Variants in NRCAM observed in about 807,000 individuals in gnomAD.
NRCAM encodes the protein NgCAM-related cell adhesion molecule.
In NRCAM, 83 loss-of-function variants were observed where a neutral mutation model predicts 156.5. The ratio of observed to expected loss-of-function variants is 0.53; its 90% CI spans 0.44 to 0.64. NRCAM has a LOEUF of 0.64. NRCAM is among the 30% of genes least tolerant of loss of function. The pLI, the probability that NRCAM is intolerant of heterozygous loss-of-function variation, is 0.00. For missense variants in NRCAM, 1,417 were observed against 1,597.3 expected, an observed-to-expected ratio of 0.89 and a Z score of 1.92; for synonymous variants, 538 against 563.9, an observed-to-expected ratio of 0.95 and a Z score of 0.65.
intron 3 of NRCAM, among the ~76,000 whole-genome samples, chr7:108,247,459 A>G (rs1345682894): frequency 6.6e-6 from 1 of 151,660 alleles, no homozygotes; most frequent in Non-Finnish European, 1.5e-5. Flanking sequence ...TTCTCTATAT[A>G]TATGTTGGTG....
At chr7:108,359,048 C>A (rs932305075) in intron 2 of NRCAM, among the ~76,000 whole-genome samples, 3 of 152,192 alleles carry the variant, frequency 2.0e-5, no homozygotes, top group African/African-American at 7.2e-5. Context: ...TTCATTACAC[C>A]TTTTATCCTA....
At chr7:108,402,705 TC>T (rs2099796300) in intron 1 of NRCAM, among the ~76,000 whole-genome samples, 1 of 152,158 alleles carries the variant, frequency 6.6e-6, no homozygotes, top group Non-Finnish European at 1.5e-5. Context: ...AATGTTAACT[TC>T]CCCAACCACA....
rs559816961 is a variant in NRCAM at position 108,432,146 on chromosome 7, G to T, written c.-332+24097C>A. ...CTGTTTTGCATGGATTGTCCTTACA[G>T]AATGTTTACCGTCTCAACCACTAAA... On this transcript the variant is annotated intron_variant, in intron 1 of 32. Coordinates refer to ENST00000379028, the MANE Select transcript of NRCAM (RefSeq NM_001037132.4). 1.2e-4 allele frequency among the ~76,000 whole-genome samples: 19 copies of T among 152,322 alleles called. No homozygotes were observed. The South Asian group carries it at 2.3e-3, about 18-fold the overall frequency.
intron 3 of NRCAM, among the ~76,000 whole-genome samples, chr7:108,284,573 T>C (rs1231765880): frequency 2.0e-5 from 3 of 152,270 alleles, no homozygotes; most frequent in African/African-American, 4.8e-5. Context: ...TGACACTTGC[T>C]CACTTCTGTG....
rs555008239 is a variant in NRCAM, at chr7:108,284,295, C to T, written c.-107+28370G>A. ...CTCCTGTCTCCTCCTTCTCCCTCAC[C>T]GCCTTAAGAAGTCACCCAGTTCAGG... On this transcript the variant is annotated intron_variant, in intron 3 of 32. Coordinates refer to ENST00000379028, the MANE Select transcript of NRCAM (RefSeq NM_001037132.4). Among the ~76,000 whole-genome samples, 91 of 152,256 alleles carry T rather than the reference C, an allele frequency of 6.0e-4. 1 individual carries two copies. The highest frequency in any genetic ancestry group is 2.2e-3 in the African/African-American group (91 of 41,534).
intron 2 of NRCAM, among the ~76,000 whole-genome samples, chr7:108,384,921 A>G (rs1192035852): frequency 6.6e-6 from 1 of 152,218 alleles, no homozygotes; most frequent in African/African-American, 2.4e-5. Context: ...GTTATCGTGA[A>G]GCTGAAACTA....
chr7:108,350,902 A>G (rs1378464182), intron 2 of NRCAM, among the ~76,000 whole-genome samples: 1 of 152,184 alleles, frequency 6.6e-6, no homozygotes, highest in African/African-American at 2.4e-5. Flanking sequence ...GGGATCCCCA[A>G]TAGTATATAT....
At chr7:108,242,207 C>T (rs761788792) in intron 3 of NRCAM, among the ~76,000 whole-genome samples, 7 of 131,106 alleles carry the variant, frequency 5.3e-5, no homozygotes, top group East Asian at 2.2e-4. Context: ...TGCCGTGAAC[C>T]GAGATTGTGC....
At chr7:108,234,339 G>A (rs1021927528) in intron 6 of NRCAM, among the ~76,000 whole-genome samples, 4 of 152,114 alleles carry the variant, frequency 2.6e-5, no homozygotes, top group African/African-American at 4.8e-5. Context: ...TACACCTACA[G>A]GTGAGACTTT....
intron 3 of NRCAM, among the ~76,000 whole-genome samples, chr7:108,285,364 A>C (rs753596885): frequency 6.6e-6 from 1 of 152,150 alleles, no homozygotes; most frequent in Non-Finnish European, 1.5e-5. Context: ...AAATACAGGT[A>C]CTGGCTCTAT....
chr7:108,350,046 T>C (rs1009985063), intron 2 of NRCAM, among the ~76,000 whole-genome samples: 9 of 152,186 alleles, frequency 5.9e-5, no homozygotes. Context: ...TCAAATTCTC[T>C]CCTGTCTCAG....
chr7:108,258,423 T>C (rs1029638337), intron 3 of NRCAM, among the ~76,000 whole-genome samples: 1 of 152,170 alleles, frequency 6.6e-6, no homozygotes, highest in African/African-American at 2.4e-5. Flanking sequence ...TCTCAACTCC[T>C]TTTCCTCCTT....
chr7:108,396,611 A>G (rs1300658814), intron 2 of NRCAM, among the ~76,000 whole-genome samples: 1 of 152,252 alleles, frequency 6.6e-6, no homozygotes, highest in Non-Finnish European at 1.5e-5. Flanking sequence ...AAGAAATCAT[A>G]AATGTTTGAG....
chr7:108,269,562 T>C (rs2097261838), intron 3 of NRCAM, among the ~76,000 whole-genome samples: 3 of 152,046 alleles, frequency 2.0e-5, no homozygotes, highest in African/African-American at 7.2e-5. Flanking sequence ...CCAGGTGTCA[T>C]AAGAAGGTAG....
intron 3 of NRCAM, among the ~76,000 whole-genome samples, chr7:108,294,941 C>T (rs1373838004): frequency 6.6e-6 from 1 of 152,160 alleles, no homozygotes; most frequent in Non-Finnish European, 1.5e-5. Flanking sequence ...TCCCTAAAGT[C>T]CACATTTGCA....
intron 32 of NRCAM, among the ~76,000 whole-genome samples, chr7:108,157,827 G>A (rs2046472019): frequency 6.6e-6 from 1 of 152,082 alleles, no homozygotes; most frequent in Non-Finnish European, 1.5e-5. Flanking sequence ...TGATAATGTA[G>A]AACAGGAACC....
intron 2 of NRCAM, among the ~76,000 whole-genome samples, chr7:108,333,954 G>A (rs969733447): frequency 6.6e-6 from 1 of 152,092 alleles, no homozygotes. Flanking sequence ...GTCTCTGTGT[G>A]TGTGTCCGTA....
chr7:108,455,045 T>TGTGGCC (rs1855102874), intron 1 of NRCAM, among the ~76,000 whole-genome samples: 1 of 151,808 alleles, frequency 6.6e-6, no homozygotes, highest in Admixed American at 6.6e-5. Context: ...GGGACGAAGA[T>TGTGGCC]GTGGCCGCGG....
At chr7:108,160,936 G>A (rs530179845) in intron 30 of NRCAM, among the ~76,000 whole-genome samples, 1 of 152,254 alleles carries the variant, frequency 6.6e-6, no homozygotes, top group East Asian at 1.9e-4. Flanking sequence ...GCTTTTAGAG[G>A]CTAAACTGTC....
Sources: allele counts gnomAD v4.1 joint callset (sites outside exome capture counted in the v4.1 genomes callset), GRCh38; gene constraint gnomAD v4.1.1; transcripts MANE v1.5; gene names NCBI Gene and HGNC (gene_info 2026-07-23, HGNC 2026-07-21).